Variants in ANXA10 observed in about 807,000 individuals in gnomAD.
ANXA10 encodes annexin A10.
A neutral mutation model predicts 53.5 loss-of-function variants in ANXA10; 49 were observed. That is an observed-to-expected ratio of 0.92 (90% CI 0.73 to 1.16). The LOEUF (loss-of-function observed/expected upper bound fraction) is 1.16, where lower values mean the gene tolerates loss of function less well. Among genes scored for constraint, ANXA10 ranks in the 50% most tolerant of loss-of-function variants. The pLI, the probability that ANXA10 is intolerant of heterozygous loss-of-function variation, is 0.00. For missense variants in ANXA10, 393 were observed against 394.4 expected (o/e 1.00, Z 0.03); for synonymous variants, 131 against 128.9 (o/e 1.02, Z -0.11).
intron 2 of ANXA10, among the ~76,000 whole-genome samples, chr4:168,133,330 T>A (rs1013670601): frequency 6.6e-6 from 1 of 151,998 alleles, no homozygotes; most frequent in Non-Finnish European, 1.5e-5. Flanking sequence ...TAATAGAAAA[T>A]GTATTGATCT....
At chr4:168,128,198 T>G (rs1312488014) in intron 2 of ANXA10, 33 bp downstream of exon 2, 1 of 1,574,420 alleles carries the variant, frequency 6.4e-7, no homozygotes, top group Non-Finnish European at 8.7e-7. Flanking sequence ...TCTTTTATTG[T>G]GATTATTTTT....
At chr4:168,177,633 G>A (rs1374755334) in intron 6 of ANXA10, 107 bp from the exon 7 acceptor site, 2 of 1,081,058 alleles carry the variant, frequency 1.9e-6, no homozygotes, top group African/African-American at 3.1e-5. Flanking sequence ...AATAAAAGAA[G>A]TTCCTTAGGA....
intron 3 of ANXA10, among the ~76,000 whole-genome samples, chr4:168,157,829 A>T (rs1208179126): frequency 6.6e-6 from 1 of 152,190 alleles, no homozygotes; most frequent in Non-Finnish European, 1.5e-5. Flanking sequence ...GTGCATATAT[A>T]TACCAATATT....
chr4:168,115,577 T>G (rs564921781), intron 1 of ANXA10, among the ~76,000 whole-genome samples: 92 of 151,524 alleles, frequency 6.1e-4, no homozygotes, highest in Admixed American at 1.5e-3. Context: ...AAATAAGAGC[T>G]CATCCTTTTA....
chr4:168,115,532 C>T (rs944848303), intron 1 of ANXA10, among the ~76,000 whole-genome samples: 1 of 150,206 alleles, frequency 6.7e-6, no homozygotes, highest in Non-Finnish European at 1.5e-5. Flanking sequence ...CACACACACA[C>T]ACACACTCCC....
At chr4:168,119,964 C>T (rs72691167) in intron 1 of ANXA10, among the ~76,000 whole-genome samples, 6 of 152,056 alleles carry the variant, frequency 3.9e-5, no homozygotes, top group Admixed American at 1.3e-4. Flanking sequence ...AAGTTCCTTA[C>T]CTTTGCTGTG....
At chr4:168,119,035 T>C (rs1026573286) in intron 1 of ANXA10, among the ~76,000 whole-genome samples, 4 of 152,210 alleles carry the variant, frequency 2.6e-5, no homozygotes, top group Non-Finnish European at 5.9e-5. Flanking sequence ...CTTGTTTTTA[T>C]ATTTACTCAT....
chr4:168,151,605 C>CT (rs1273895340), intron 3 of ANXA10, among the ~76,000 whole-genome samples: 1 of 152,064 alleles, frequency 6.6e-6, no homozygotes, highest in Non-Finnish European at 1.5e-5. Flanking sequence ...GAAAGTCACG[C>CT]TGCAAAGGTT....
chr4:168,184,219 G>A (rs1182284299), intron 10 of ANXA10, among the ~76,000 whole-genome samples: 1 of 152,214 alleles, frequency 6.6e-6, no homozygotes, highest in Non-Finnish European at 1.5e-5. Flanking sequence ...GTGTGAGTGG[G>A]ACGGTGTGAA....
In ANXA10 at chr4:168,179,257, A is replaced by C. The variant is rs1270216935; in HGVS notation, c.669A>C (p.Val223=). Residue 223 remains valine, a synonymous_variant, in exon 9 of 12, where the codon GTA becomes GTC. Coordinates refer to ENST00000359299, the MANE Select transcript of ANXA10 (RefSeq NM_007193.5). ...EFQNISGQDM[V]DAINECYDGY... is the part of the protein sequence containing the mutation. ...AAAATATTTCTGGGCAAGATATGGT[A>C]GATGCCATTAATGAATGTTATGATG... is the stretch of plus-strand genomic sequence containing the variant. 6.2e-7 allele frequency: 1 copy of C among 1,611,956 alleles called. No homozygotes were observed. Among genetic ancestry groups the C allele is most frequent in the Non-Finnish European group, 8.5e-7 (1 of 1,179,084 alleles).
intron 6 of ANXA10, among the ~76,000 whole-genome samples, chr4:168,174,892 G>T (rs1293024970): frequency 6.6e-6 from 1 of 152,202 alleles, no homozygotes; most frequent in Non-Finnish European, 1.5e-5. Flanking sequence ...ATCAAGTGGA[G>T]ATGCTGAATT....
At chr4:168,174,803 G>C (rs1732089853) in intron 6 of ANXA10, among the ~76,000 whole-genome samples, 1 of 151,462 alleles carries the variant, frequency 6.6e-6, no homozygotes, top group Non-Finnish European at 1.5e-5. Context: ...GGAAGACTGA[G>C]ACTATAGAAA....
intron 1 of ANXA10, among the ~76,000 whole-genome samples, chr4:168,109,621 A>C (rs1405607916): frequency 2.0e-5 from 3 of 152,188 alleles, no homozygotes; most frequent in Non-Finnish European, 2.9e-5. Flanking sequence ...CCATTTCCTG[A>C]ATCTGTCATT....
intron 6 of ANXA10, among the ~76,000 whole-genome samples, chr4:168,167,504 GTAACCCCATCA>G (rs1285088987): frequency 6.6e-6 from 1 of 152,174 alleles, no homozygotes; most frequent in Non-Finnish European, 1.5e-5. Context: ...TTATCAGGAC[GTAACCCCATCA>G]TAAGTTGAGA....
chr4:168,163,165 G>C (rs1056466967), intron 4 of ANXA10, among the ~76,000 whole-genome samples: 10 of 151,858 alleles, frequency 6.6e-5, no homozygotes, highest in African/African-American at 1.7e-4. Flanking sequence ...TCTTAATTTG[G>C]AAGAATTAGA....
intron 2 of ANXA10, among the ~76,000 whole-genome samples, chr4:168,129,107 T>C (rs957809441): frequency 2.0e-5 from 3 of 152,054 alleles, no homozygotes; most frequent in Non-Finnish European, 2.9e-5. Context: ...AAAACTTTCA[T>C]AAGAAAGCAA....
intron 11 of ANXA10, among the ~76,000 whole-genome samples, chr4:168,185,436 C>T (rs1042787316): frequency 5.3e-5 from 8 of 152,152 alleles, no homozygotes; most frequent in African/African-American, 9.7e-5. Context: ...ACTGCTAATT[C>T]GGAGGGACTT....
intron 3 of ANXA10, among the ~76,000 whole-genome samples, chr4:168,149,966 A>T (rs1278803438): frequency 6.6e-6 from 1 of 152,196 alleles, no homozygotes; most frequent in Non-Finnish European, 1.5e-5. Flanking sequence ...TACATTGCCC[A>T]GTAAATGTTC....
chr4:168,146,172 G>C (rs1484075985), intron 3 of ANXA10, among the ~76,000 whole-genome samples: 1 of 152,164 alleles, frequency 6.6e-6, no homozygotes, highest in Non-Finnish European at 1.5e-5. Context: ...GCCTCTCAAA[G>C]TGCTGGGATT....
Sources: gnomAD v4.1 joint callset for allele counts (sites outside exome capture counted in the v4.1 genomes callset) on GRCh38, gnomAD v4.1.1 for gene constraint, MANE v1.5 for transcripts, NCBI Gene and HGNC (gene_info 2026-07-23, HGNC 2026-07-21) for gene names.